The following PMM2 variants were observed in gnomAD, a reference collection of about 807,000 sequenced individuals.
PMM2 encodes the protein mannose-6-phosphate isomerase.
In PMM2, 35 loss-of-function variants were observed where a neutral mutation model predicts 33.2. The ratio of observed to expected loss-of-function variants is 1.06; its 90% CI spans 0.81 to 1.40. PMM2 has a LOEUF of 1.40. Ranked by LOEUF, PMM2 falls within the 40% of genes most tolerant of loss-of-function variation. The probability of loss-of-function intolerance (pLI) is 0.00; values close to 1 mark genes in which losing one functional copy is unlikely to be tolerated. For synonymous variants in PMM2, 153 were observed against 114.7 expected (o/e 1.33, Z -2.13); for missense variants, 386 against 306.0 (o/e 1.26, Z -1.95).
intron 7 of PMM2, chr16:8,842,484 G>T (rs981167481): frequency 3.1e-4 from 47 of 152,234 alleles, no homozygotes; most frequent in African/African-American, 1.0e-3. Flanking sequence ...CAGGTAAGCT[G>T]CTGGGACTGA....
In PMM2 at chr16:8,849,106, C is replaced by G. The variant is rs2060949105; in HGVS notation, c.*1281C>G. On this transcript the variant is annotated 3_prime_UTR_variant, in exon 8 of 8. Transcript: ENST00000268261. ...TGCCCTGCACTCCTGCCTCCCAGCC[C>G]ACAGCCAGGTGCTTTCATCACAGCT... The G allele has an allele frequency of 2.0e-5, 3 of 152,318 alleles. No individual in the cohort carries two copies. The highest frequency in any genetic ancestry group is 2.0e-4 in the Admixed American group (3 of 15,296). The allele number at this position is 152,318 out of a possible 1,614,324, so 9.4% of individuals were successfully genotyped here. A position where few individuals can be genotyped will look rare whatever the true frequency, so the allele number is the denominator to read the frequency against.
chr16:8,799,679 C>T (rs988633669), intron 1 of PMM2, among the ~76,000 whole-genome samples: 2 of 152,160 alleles, frequency 1.3e-5, no homozygotes, highest in African/African-American at 2.4e-5. Context: ...AACCAAGTAG[C>T]TGGTGCTACA....
intron 2 of PMM2, among the ~76,000 whole-genome samples, chr16:8,803,052 C>T (rs1273285265): frequency 6.6e-6 from 1 of 152,088 alleles, no homozygotes; most frequent in African/African-American, 2.4e-5. Context: ...ACTAGATGCC[C>T]ACAGCATACA....
At chr16:8,810,048 C>CCATT (rs1162955931) in intron 4 of PMM2, 1 of 152,200 alleles carries the variant, frequency 6.6e-6, no homozygotes, top group Non-Finnish European at 1.5e-5. Context: ...TGAGCTCAAG[C>CCATT]CATTCACCCA....
chr16:8,836,499 C>T (rs1338843353), intron 7 of PMM2, among the ~76,000 whole-genome samples: 1 of 152,018 alleles, frequency 6.6e-6, no homozygotes, highest in Non-Finnish European at 1.5e-5. Flanking sequence ...GGAGGAGGTT[C>T]TGGAGGAACG....
intron 7 of PMM2, among the ~76,000 whole-genome samples, chr16:8,826,831 C>G (rs1315196070): frequency 1.3e-5 from 2 of 152,062 alleles, no homozygotes; most frequent in African/African-American, 4.8e-5. Context: ...CTTGTCACGA[C>G]TCACAGAGAC....
Position 8,847,797 on chromosome 16 carries a change from G to A in PMM2, c.713G>A (p.Arg238His), listed in dbSNP as rs151319324. ...TCCGTGACAGCGCCTGAGGACACGC[G>A]CAGGATCTGTGAACTGCTGTTCTCC... ...GYSVTAPEDTRRICELLFS is the reference protein window; with the variant it reads ...GYSVTAPEDTHRICELLFS Residue 238 changes from arginine (R) to histidine (H), a missense_variant, in exon 8 of 8, where the codon CGC (arginine) becomes CAC (histidine). Physicochemically the swap from Arg to His is conservative, Grantham distance 29. Transcript: ENST00000268261. 4.0e-4 allele frequency: 649 copies of A among 1,613,530 alleles called. 2 individuals are homozygous for A. The highest frequency in any genetic ancestry group is 1.6e-3 in the Middle Eastern group (10 of 6,082).
intron 7 of PMM2, among the ~76,000 whole-genome samples, chr16:8,839,607 C>T (rs2060875973): frequency 6.6e-6 from 1 of 151,972 alleles, no homozygotes; most frequent in South Asian, 2.1e-4. Context: ...GAGTGAAATA[C>T]AGGGCAAGTG....
intron 7 of PMM2, among the ~76,000 whole-genome samples, chr16:8,838,095 A>G (rs1241604038): frequency 2.0e-5 from 3 of 152,096 alleles, no homozygotes; most frequent in African/African-American, 7.2e-5. Flanking sequence ...GTGGATTATC[A>G]TTAGTTCTTA....
At chr16:8,842,670 G>T (rs1448519701) in intron 7 of PMM2, among the ~76,000 whole-genome samples, 1 of 152,200 alleles carries the variant, frequency 6.6e-6, no homozygotes. Context: ...AAAACAATTT[G>T]GTTGATAAGG....
chr16:8,842,625 G>T (rs1200656884), intron 7 of PMM2, among the ~76,000 whole-genome samples: 1 of 152,204 alleles, frequency 6.6e-6, no homozygotes, highest in Non-Finnish European at 1.5e-5. Context: ...GAGGATGAAA[G>T]AGTGTATGGG....
rs367817653 is a variant in PMM2, at chr16:8,835,796, GT to G, written c.640-11924del. On this transcript the variant is annotated intron_variant, in intron 7 of 7. Transcript: ENST00000268261. Reference sequence around the variant, plus strand: ...CATTGAGTGGGGTAAGGGTGATTAGGTTTTAATGAGATGGTAAGGGGTGCAT... The same window carrying G: ...CATTGAGTGGGGTAAGGGTGATTAGGTTTAATGAGATGGTAAGGGGTGCAT... Among the ~76,000 whole-genome samples, 495 of 152,024 alleles carry G rather than the reference GT, an allele frequency of 3.3e-3. 2 individuals carry two copies. The highest frequency in any genetic ancestry group is 0.011 in the African/African-American group (466 of 41,514).
chr16:8,818,888 A>C (rs1433081888), intron 7 of PMM2, among the ~76,000 whole-genome samples: 1 of 149,704 alleles, frequency 6.7e-6, no homozygotes, highest in Admixed American at 6.6e-5. Context: ...AGAGACGGCA[A>C]GGGCAGAGAG....
intron 6 of PMM2, among the ~76,000 whole-genome samples, chr16:8,812,321 T>C (rs2060682443): frequency 6.6e-6 from 1 of 152,240 alleles, no homozygotes; most frequent in African/African-American, 2.4e-5. Context: ...TTTGTTAGAA[T>C]ATTCCTGCCA....
chr16:8,815,969 A>G (rs1442592426), intron 7 of PMM2, among the ~76,000 whole-genome samples: 1 of 152,150 alleles, frequency 6.6e-6, no homozygotes, highest in Non-Finnish European at 1.5e-5. Flanking sequence ...AAAAAAAAAA[A>G]CAATTTAAAA....
intron 1 of PMM2, among the ~76,000 whole-genome samples, chr16:8,799,099 C>T (rs974232204): frequency 2.0e-5 from 3 of 152,190 alleles, no homozygotes; most frequent in Non-Finnish European, 2.9e-5. Context: ...AAATACTTCT[C>T]TGTCTTTGCT....
chr16:8,800,838 C>T (rs1306567163), intron 1 of PMM2, among the ~76,000 whole-genome samples: 3 of 152,122 alleles, frequency 2.0e-5, no homozygotes, highest in Admixed American at 6.6e-5. Context: ...CGCCCACCAG[C>T]GCGCCCGCCT....
intron 7 of PMM2, among the ~76,000 whole-genome samples, chr16:8,831,432 G>A (rs1408163692): frequency 1.3e-5 from 2 of 152,214 alleles, no homozygotes; most frequent in Non-Finnish European, 2.9e-5. Flanking sequence ...AGCTACTCAG[G>A]AGGCTGAGGT....
intron 7 of PMM2, 96 bp downstream of exon 7, chr16:8,813,202 C>G (rs2060687721): frequency 4.8e-6 from 4 of 828,022 alleles, no homozygotes; most frequent in Non-Finnish European, 8.5e-6. Flanking sequence ...TACACTTTAC[C>G]CACCCGCCCT....
Sources: allele counts gnomAD v4.1 joint callset (sites outside exome capture counted in the v4.1 genomes callset), GRCh38; gene constraint gnomAD v4.1.1; transcripts MANE v1.5; gene names NCBI Gene and HGNC (gene_info 2026-07-23, HGNC 2026-07-21).